Variants in ROCK2 observed in about 807,000 individuals in gnomAD.
The protein encoded by ROCK2 is Rho associated coiled-coil containing protein kinase 2.
In ROCK2, 61 loss-of-function variants were observed where a neutral mutation model predicts 195.1. The observed-to-expected ratio is 0.31, with a 90% CI of 0.25 to 0.39. ROCK2 has a LOEUF of 0.39. ROCK2 is among the 10% of genes least tolerant of loss of function. The probability of loss-of-function intolerance (pLI) is 1.00; values close to 1 mark genes in which losing one functional copy is unlikely to be tolerated. For synonymous variants in ROCK2, 504 were observed against 545.5 expected, an observed-to-expected ratio of 0.92 and a Z score of 1.06; for missense variants, 1,109 against 1,637.4, an observed-to-expected ratio of 0.68 and a Z score of 5.57.
At chr2:11,279,870 A>C (rs1285417202) in intron 3 of ROCK2, among the ~76,000 whole-genome samples, 3 of 152,254 alleles carry the variant, frequency 2.0e-5, no homozygotes, top group African/African-American at 7.2e-5. Flanking sequence ...AACTGGTAAC[A>C]GAAAGATAAC....
chr2:11,279,487 A>T (rs1252378265), intron 3 of ROCK2, among the ~76,000 whole-genome samples: 2 of 152,256 alleles, frequency 1.3e-5, no homozygotes, highest in Admixed American at 1.3e-4. Context: ...CATAACAATC[A>T]TCAATGTGTT....
chr2:11,221,165 A>C (rs773962692), intron 9 of ROCK2, 33 bp downstream of exon 9: 2 of 1,460,568 alleles, frequency 1.4e-6, no homozygotes, highest in Non-Finnish European at 1.8e-6. Flanking sequence ...GATTCTAAAA[A>C]CAGTAAAATT....
Position 11,215,395 on chromosome 2 carries a change from G to C in ROCK2, c.1615C>G (p.Gln539Glu). The C allele has an allele frequency of 6.2e-7, 1 of 1,607,136 alleles. No homozygotes were observed. The highest frequency in any genetic ancestry group is 8.5e-7 in the Non-Finnish European group (1 of 1,177,366). The change falls in exon 15 of 33, where the codon CAA becomes GAA. Residue 539 changes from glutamine (Q) to glutamate (E), a missense_variant. Physicochemically the swap from Gln to Glu is conservative, Grantham distance 29. Transcript: ENST00000315872. ...LENDVNSLKDQLEDLKKRNQN... is the reference protein window; with the variant it reads ...LENDVNSLKDELEDLKKRNQN... ...TTTCTTTTTTTCAAATCTTCAAGTT[G>C]ATCTTTTAAGCTGTTAACTATGATA...
At chr2:11,271,436 G>A (rs1024859584) in intron 3 of ROCK2, among the ~76,000 whole-genome samples, 4 of 152,164 alleles carry the variant, frequency 2.6e-5, no homozygotes, top group African/African-American at 4.8e-5. Context: ...ACTGGTTCTC[G>A]TGGCAATTTC....
In ROCK2 at chr2:11,215,106, C is replaced by A. The variant is rs761843354; in HGVS notation, c.1690-20G>T. On this transcript the variant is annotated intron_variant, in intron 15 of 32. Transcript: ENST00000315872. Reference sequence around the variant, plus strand: ...ATCCAGCTGTTATTCCATTCAAAACCAAACAACAACAAACAAACACACATG... The same window carrying A: ...ATCCAGCTGTTATTCCATTCAAAACAAAACAACAACAAACAAACACACATG... The A allele has an allele frequency of 1.6e-5, 25 of 1,611,910 alleles. No individual in the cohort carries two copies. The South Asian group carries it at 2.5e-4, about 16-fold the overall frequency.
chr2:11,248,168 A>G (rs4477886), intron 4 of ROCK2, among the ~76,000 whole-genome samples: 73,012 of 149,246 alleles, frequency 0.49, 18,663 homozygotes, highest in Admixed American at 0.57. Flanking sequence ...ATAAAAAAGC[A>G]ACATTAATGA....
At chr2:11,262,641 A>G (rs954237711) in intron 3 of ROCK2, among the ~76,000 whole-genome samples, 1 of 152,140 alleles carries the variant, frequency 6.6e-6, no homozygotes, top group Non-Finnish European at 1.5e-5. Flanking sequence ...TCCATGTAAG[A>G]TGTGACTTGC....
chr2:11,281,559 G>C (rs1174712670), intron 3 of ROCK2, among the ~76,000 whole-genome samples: 2 of 152,186 alleles, frequency 1.3e-5, no homozygotes, highest in African/African-American at 2.4e-5. Context: ...TCCTGTAGAT[G>C]AGCAATGAAA....
chr2:11,343,503 T>C (rs760717288), intron 1 of ROCK2, among the ~76,000 whole-genome samples: 41 of 152,246 alleles, frequency 2.7e-4, no homozygotes, highest in Non-Finnish European at 5.3e-4. Context: ...ACAGCAAAAC[T>C]TTAGCTGTGT....
At chr2:11,339,095 C>T (rs528596238) in intron 1 of ROCK2, among the ~76,000 whole-genome samples, 1 of 152,236 alleles carries the variant, frequency 6.6e-6, no homozygotes, top group South Asian at 2.1e-4. Context: ...CAGATCTGTG[C>T]ATTTCATTGC....
intron 1 of ROCK2, among the ~76,000 whole-genome samples, chr2:11,314,938 C>T (rs1456119879): frequency 1.3e-5 from 2 of 151,982 alleles, no homozygotes; most frequent in Non-Finnish European, 2.9e-5. Context: ...TGTGCATATT[C>T]TTATCCATAA....
chr2:11,262,133 G>A (rs903968782), intron 3 of ROCK2, among the ~76,000 whole-genome samples: 7 of 151,886 alleles, frequency 4.6e-5, no homozygotes, highest in Non-Finnish European at 8.8e-5. Context: ...GGATAAAAAC[G>A]TTGCTCCTAT....
intron 1 of ROCK2, among the ~76,000 whole-genome samples, chr2:11,316,520 G>T (rs761540623): frequency 6.6e-6 from 1 of 152,004 alleles, no homozygotes; most frequent in Admixed American, 6.6e-5. Flanking sequence ...AAACTAAAAG[G>T]TTACATAAAC....
chr2:11,218,940 C>A, intron 10 of ROCK2, 26 bp downstream of exon 10: 2 of 1,287,754 alleles, frequency 1.6e-6, no homozygotes, highest in Non-Finnish European at 2.2e-6. Flanking sequence ...ACTAAAATAA[C>A]TACAGCAGTA....
chr2:11,330,513 C>T (rs1193301931), intron 1 of ROCK2, among the ~76,000 whole-genome samples: 1 of 152,120 alleles, frequency 6.6e-6, no homozygotes, highest in Non-Finnish European at 1.5e-5. Context: ...ACATTTTTCA[C>T]TAGATCTTGT....
At chr2:11,328,161 A>C (rs1488861911) in intron 1 of ROCK2, among the ~76,000 whole-genome samples, 1 of 152,178 alleles carries the variant, frequency 6.6e-6, no homozygotes, top group African/African-American at 2.4e-5. Flanking sequence ...TTGTCTTACT[A>C]TTCTCTTAGA....
At chr2:11,196,535 T>A (rs1279060170) in intron 27 of ROCK2, among the ~76,000 whole-genome samples, 3 of 152,228 alleles carry the variant, frequency 2.0e-5, no homozygotes, top group Non-Finnish European at 2.9e-5. Flanking sequence ...AACAAATTCT[T>A]TATTCATGCA....
Position 11,197,064 on chromosome 2 carries a change from G to C in ROCK2, c.3448+116C>G, listed in dbSNP as rs1426109590. The stretch of plus-strand genomic sequence containing the variant: ...CTTGAATCCTTACTCCAAGGAGTAG[G>C]TTTTCCCTTAAAGAAATTACAAACA... On this transcript the variant is annotated intron_variant, in intron 27 of 32. Transcript: ENST00000315872. The surrounding 1 kb of genome is among the most constrained non-coding windows in gnomAD (Gnocchi z 4.9). 2 of 592,148 alleles carry C rather than the reference G, an allele frequency of 3.4e-6. No homozygotes were observed. Among genetic ancestry groups the C allele is most frequent in the African/African-American group, 1.9e-5 (1 of 51,486 alleles). 36.7% of individuals were successfully genotyped at this position (592,148 alleles called of 1,614,324 possible). A position where few individuals can be genotyped will look rare whatever the true frequency, so the allele number is the denominator to read the frequency against.
intron 1 of ROCK2, among the ~76,000 whole-genome samples, chr2:11,312,005 A>G (rs928556257): frequency 2.0e-5 from 3 of 152,192 alleles, no homozygotes; most frequent in African/African-American, 7.2e-5. Flanking sequence ...AACTGATGAC[A>G]TGAAGAAGCA....
Sources: allele counts gnomAD v4.1 joint callset (sites outside exome capture counted in the v4.1 genomes callset), GRCh38; gene constraint gnomAD v4.1.1; non-coding constraint Gnocchi (gnomAD v3.1); transcripts MANE v1.5; gene names NCBI Gene and HGNC (gene_info 2026-07-23, HGNC 2026-07-21).